The following SRBD1 variants were observed in gnomAD, a reference collection of about 807,000 sequenced individuals.
SRBD1 encodes S1 RNA binding domain 1, also known as S1 RNA-binding domain-containing protein 1.
In SRBD1, 88 loss-of-function variants were observed where a neutral mutation model predicts 115.3. The observed-to-expected ratio is 0.76, with a 90% CI of 0.64 to 0.91. The LOEUF is 0.91. Ranked by LOEUF, SRBD1 falls within the 40% of genes least tolerant of loss-of-function variation. SRBD1 has a pLI of 0.00. For synonymous variants in SRBD1, 509 were observed against 407.7 expected, an observed-to-expected ratio of 1.25 and a Z score of -2.99; for missense variants, 1,385 against 1,177.4, an observed-to-expected ratio of 1.18 and a Z score of -2.58.
At chr2:45,475,420 C>A (rs918474556) in intron 16 of SRBD1, among the ~76,000 whole-genome samples, 14 of 152,056 alleles carry the variant, frequency 9.2e-5, no homozygotes, top group African/African-American at 2.7e-4. Context: ...ATTGTGCCAC[C>A]CCCCCTTGCT....
At chr2:45,463,888 C>T (rs761943149) in intron 16 of SRBD1, among the ~76,000 whole-genome samples, 21 of 152,092 alleles carry the variant, frequency 1.4e-4, no homozygotes, top group Non-Finnish European at 2.5e-4. Context: ...GATAAAATTA[C>T]TAAGAACTTC....
At chr2:45,452,465 C>A (rs918095250) in intron 16 of SRBD1, among the ~76,000 whole-genome samples, 1 of 151,924 alleles carries the variant, frequency 6.6e-6, no homozygotes, top group Non-Finnish European at 1.5e-5. Context: ...TATAATCAAT[C>A]TCAGTACACG....
chr2:45,603,812 G>C (rs1015337531), intron 2 of SRBD1, among the ~76,000 whole-genome samples: 3 of 152,050 alleles, frequency 2.0e-5, no homozygotes, highest in African/African-American at 7.2e-5. Flanking sequence ...TTACAGGTGT[G>C]AGCCACCACA....
At chr2:45,405,521 G>A (rs1369590798) in intron 19 of SRBD1, among the ~76,000 whole-genome samples, 1 of 152,176 alleles carries the variant, frequency 6.6e-6, no homozygotes, top group Non-Finnish European at 1.5e-5. Context: ...CTGAACTAGG[G>A]ATGTTAAGAC....
chr2:45,446,997 G>A (rs1668845433), intron 16 of SRBD1, among the ~76,000 whole-genome samples: 1 of 152,050 alleles, frequency 6.6e-6, no homozygotes, highest in African/African-American at 2.4e-5. Flanking sequence ...TCAGTGGCAG[G>A]GTTTTACGTC....
At chr2:45,534,365 T>G (rs1671701078) in intron 14 of SRBD1, among the ~76,000 whole-genome samples, 1 of 151,926 alleles carries the variant, frequency 6.6e-6, no homozygotes, top group Non-Finnish European at 1.5e-5. Context: ...AAGGAAACAC[T>G]ATAAACAAGA....
intron 18 of SRBD1, among the ~76,000 whole-genome samples, chr2:45,417,811 T>C (rs1018025979): frequency 1.3e-5 from 2 of 152,126 alleles, no homozygotes; most frequent in Non-Finnish European, 2.9e-5. Context: ...TATAAAGTGG[T>C]CATTTTGAAG....
chr2:45,550,992 C>A (rs1267068843), intron 12 of SRBD1, 133 bp downstream of exon 12: 1 of 966,310 alleles, frequency 1.0e-6, no homozygotes, highest in African/African-American at 1.7e-5. Flanking sequence ...TGGTTCCCAA[C>A]ACCCCTGTAT....
intron 14 of SRBD1, among the ~76,000 whole-genome samples, chr2:45,494,945 G>C (rs930801817): frequency 6.6e-6 from 1 of 152,010 alleles, no homozygotes; most frequent in Non-Finnish European, 1.5e-5. Context: ...TTTTAAGTTT[G>C]TTATGTTTCA....
intron 14 of SRBD1, among the ~76,000 whole-genome samples, chr2:45,542,322 G>A (rs1221142543): frequency 6.6e-6 from 1 of 152,230 alleles, no homozygotes; most frequent in Non-Finnish European, 1.5e-5. Context: ...CCAGGGAGGT[G>A]GAGCAGGTAC....
At chr2:45,576,134 CCTCCTTT>C (rs2104161641) in intron 7 of SRBD1, among the ~76,000 whole-genome samples, 2 of 152,300 alleles carry the variant, frequency 1.3e-5, no homozygotes, top group East Asian at 3.9e-4. Flanking sequence ...TCCTCCTCCT[CCTCCTTT>C]TTCTCGTCAG....
At chr2:45,458,237 C>G (rs552479559) in intron 16 of SRBD1, among the ~76,000 whole-genome samples, 1 of 152,168 alleles carries the variant, frequency 6.6e-6, no homozygotes, top group East Asian at 1.9e-4. Flanking sequence ...AGAAACTTTT[C>G]CATTCTGAGA....
At chr2:45,591,543 T>C (rs556058587) in intron 4 of SRBD1, among the ~76,000 whole-genome samples, 11 of 152,288 alleles carry the variant, frequency 7.2e-5, no homozygotes, top group South Asian at 2.1e-4. Flanking sequence ...AATGAACCCA[T>C]TGGACAGTTA....
chr2:45,398,906 GTA>G (rs1667220249), intron 19 of SRBD1, among the ~76,000 whole-genome samples: 1 of 152,080 alleles, frequency 6.6e-6, no homozygotes. Flanking sequence ...ATGAGTATGA[GTA>G]TATAAAAATA....
intron 19 of SRBD1, among the ~76,000 whole-genome samples, chr2:45,404,026 A>G (rs1667360158): frequency 6.6e-6 from 1 of 152,100 alleles, no homozygotes; most frequent in Non-Finnish European, 1.5e-5. Flanking sequence ...CCAAAGTAGG[A>G]AGGATATAAC....
intron 14 of SRBD1, among the ~76,000 whole-genome samples, chr2:45,527,847 A>C (rs935591313): frequency 4.0e-5 from 6 of 151,804 alleles, no homozygotes; most frequent in African/African-American, 1.4e-4. Context: ...TCCACCTAAC[A>C]CATTCAAAGA....
intron 18 of SRBD1, among the ~76,000 whole-genome samples, chr2:45,417,541 T>C (rs1275293894): frequency 6.6e-6 from 1 of 152,246 alleles, no homozygotes; most frequent in Non-Finnish European, 1.5e-5. Flanking sequence ...ATCTTCCATA[T>C]GACCTCTATT....
chr2:45,564,999 C>G (rs1672783441), intron 9 of SRBD1, among the ~76,000 whole-genome samples: 1 of 152,036 alleles, frequency 6.6e-6, no homozygotes, highest in African/African-American at 2.4e-5. Context: ...AAATAAATAC[C>G]CATGAACATC....
chr2:45,598,697 A>C (rs543489467), intron 4 of SRBD1, among the ~76,000 whole-genome samples: 1 of 152,278 alleles, frequency 6.6e-6, no homozygotes, highest in South Asian at 2.1e-4. Flanking sequence ...TCCCAGATTG[A>C]GAAGTGGAAT....
Sources: allele counts gnomAD v4.1 joint callset (sites outside exome capture counted in the v4.1 genomes callset), GRCh38; gene constraint gnomAD v4.1.1; transcripts MANE v1.5; gene names NCBI Gene and HGNC (gene_info 2026-07-23, HGNC 2026-07-21).